Variants in LRP4 observed in about 807,000 individuals in gnomAD.
LRP4 encodes the protein LDL receptor related protein 4.
In LRP4, 95 loss-of-function variants were observed where a neutral mutation model predicts 220.3. The observed-to-expected ratio is 0.43, with a 90% CI of 0.37 to 0.51. The LOEUF (loss-of-function observed/expected upper bound fraction) is 0.51, where lower values mean the gene tolerates loss of function less well. Ranked by LOEUF, LRP4 falls within the 20% of genes least tolerant of loss-of-function variation. The pLI, the probability that LRP4 is intolerant of heterozygous loss-of-function variation, is 0.00. For missense variants in LRP4, 1,925 were observed against 2,567.0 expected (o/e 0.75, Z 5.40); for synonymous variants, 903 against 954.6 (o/e 0.95, Z 1.00).
chr11:46,868,796 A>G, intron 32 of LRP4, 83 bp from the exon 33 acceptor site: 4 of 1,264,570 alleles, frequency 3.2e-6, no homozygotes, highest in South Asian at 1.2e-5. Context: ...GAGGAAATCC[A>G]GGATTACCCT....
chr11:46,887,326 G>C (rs1353019845), intron 16 of LRP4, among the ~76,000 whole-genome samples: 1 of 152,168 alleles, frequency 6.6e-6, no homozygotes, highest in East Asian at 1.9e-4. Flanking sequence ...AATCCTTAAG[G>C]GGAAGCTGTC....
At chr11:46,902,305 G>A (rs1481065410) in intron 2 of LRP4, among the ~76,000 whole-genome samples, 1 of 147,736 alleles carries the variant, frequency 6.8e-6, no homozygotes, top group African/African-American at 2.5e-5. Context: ...GTTGCAGTGA[G>A]CCTAGACTGT....
At chr11:46,891,200 A>G (rs1379401412) in intron 13 of LRP4, among the ~76,000 whole-genome samples, 1 of 151,754 alleles carries the variant, frequency 6.6e-6, no homozygotes, top group East Asian at 1.9e-4. Flanking sequence ...TGCAACCTCC[A>G]CCTCCTGGAC....
Position 46,885,939 on chromosome 11 carries a change from T to G in LRP4, c.2506+152A>C, listed in dbSNP as rs1357177306. On this transcript the variant is annotated intron_variant, in intron 18 of 37. Transcript: ENST00000378623. The stretch of plus-strand genomic sequence containing the variant: ...ACGTGGGAGCTTCTCACTTCGGCTC[T>G]GCAGCAGCCCTCCGGCTTCTGACCT... The G allele has an allele frequency of 2.2e-5, 16 of 735,222 alleles. No individual in the cohort carries two copies. In the Admixed American group the frequency reaches 2.8e-4, roughly 13 times the overall value. 45.5% of individuals were successfully genotyped at this position (735,222 alleles called of 1,614,324 possible). A position where few individuals can be genotyped will look rare whatever the true frequency, so the allele number is the denominator to read the frequency against.
At chr11:46,865,016 G>A in intron 35 of LRP4, 103 bp downstream of exon 35, 1 of 978,544 alleles carries the variant, frequency 1.0e-6, no homozygotes, top group Non-Finnish European at 1.6e-6. Flanking sequence ...TTTAAAAAGA[G>A]TTCATCAACC....
chr11:46,902,714 GCCTTGT>G, intron 2 of LRP4, 63 bp downstream of exon 2: 1 of 1,572,276 alleles, frequency 6.4e-7, no homozygotes, highest in East Asian at 2.2e-5. Flanking sequence ...TACTCCATCA[GCCTTGT>G]CCTTGCCCCC....
At position 46,871,644 on chromosome 11, in the gene LRP4, A is replaced by T. The variant is rs1335206941; in HGVS notation, c.4584-11T>A. Reference sequence around the variant, plus strand: ...TCCACCCAGTAGATCCTGCGAAGAAAATGAAAAGAGTGGCTGCTCCAAACG... The same window carrying T: ...TCCACCCAGTAGATCCTGCGAAGAATATGAAAAGAGTGGCTGCTCCAAACG... On this transcript the variant is annotated splice_polypyrimidine_tract_variant and intron_variant, in intron 30 of 37. Transcript: ENST00000378623. 1.9e-6 allele frequency: 3 copies of T among 1,584,568 alleles called. No homozygotes were observed. The highest frequency in any genetic ancestry group is 2.6e-6 in the Non-Finnish European group (3 of 1,158,058).
intron 1 of LRP4, 57 bp from the exon 2 acceptor site, chr11:46,902,986 T>C (rs1383634884): frequency 6.2e-7 from 1 of 1,609,708 alleles, no homozygotes; most frequent in African/African-American, 1.3e-5. Context: ...CCCAAGCCCA[T>C]TCCGAGGGGA....
rs368971854 is a variant in LRP4 at position 46,899,954 on chromosome 11, G to A, written c.339C>T (p.Asp113=). Residue 113 remains aspartate (D), a synonymous_variant, in exon 4 of 38, where the codon GAC becomes GAT. Transcript: ENST00000378623. This position sits in a 1 kb window ranked among gnomAD's most constrained non-coding sequence, Gnocchi z 5.9. ...AGTAGCCATTCTGGCAGGGAAACTC[G>A]TCCTCCTCACACTCCCGGGGGGCTG... ...QDCPPRECEE[D]EFPCQNGYCI... 3.6e-5 allele frequency: 58 copies of A among 1,613,540 alleles called. No individual in the cohort carries two copies. Among genetic ancestry groups the A allele is most frequent in the East Asian group, 6.7e-5 (3 of 44,894 alleles).
chr11:46,904,075 C>A (rs189269579), intron 1 of LRP4, among the ~76,000 whole-genome samples: 5 of 152,224 alleles, frequency 3.3e-5, no homozygotes, highest in Non-Finnish European at 2.9e-5. Context: ...CACTCTCCCC[C>A]CTCCCAGCAT....
At position 46,857,464 on chromosome 11, in the gene LRP4, C is replaced by T. The variant is rs1055923590; in HGVS notation, c.*1519G>A. 2.0e-5 allele frequency: 3 copies of T among 152,130 alleles called. No homozygotes were observed. Among genetic ancestry groups the T allele is most frequent in the African/African-American group, 7.2e-5 (3 of 41,406 alleles). The allele number at this position is 152,130 out of a possible 1,614,324, so 9.4% of individuals were successfully genotyped here. A position where few individuals can be genotyped will look rare whatever the true frequency, so the allele number is the denominator to read the frequency against. On this transcript the variant is annotated 3_prime_UTR_variant, in exon 38 of 38. Transcript: ENST00000378623. ...TGTTCTCTCCTGCCACTTCTAATTC[C>T]TGGGGGAGAAGAGGTCTGGGTCTGC... is the stretch of plus-strand genomic sequence containing the variant.
chr11:46,895,085 C>T (rs1941497378), intron 11 of LRP4, 81 bp downstream of exon 11: 2 of 1,588,690 alleles, frequency 1.3e-6, no homozygotes, highest in Admixed American at 1.7e-5. Flanking sequence ...TACCTCTCTG[C>T]AAATCCCTGA....
chr11:46,892,107 C>A (rs1787120140), intron 13 of LRP4, among the ~76,000 whole-genome samples: 1 of 151,988 alleles, frequency 6.6e-6, no homozygotes, highest in Admixed American at 6.6e-5. Flanking sequence ...ATTTAGAAAA[C>A]ATTTTTGTAG....
intron 22 of LRP4, among the ~76,000 whole-genome samples, chr11:46,877,731 G>A (rs10742784): frequency 0.64 from 97,519 of 151,930 alleles, 33,061 homozygotes; most frequent in Non-Finnish European, 0.77. Flanking sequence ...GCCTCCTAAA[G>A]TGCTGGGATT....
At chr11:46,861,933 T>C (rs1477729768) in intron 37 of LRP4, among the ~76,000 whole-genome samples, 1 of 151,894 alleles carries the variant, frequency 6.6e-6, no homozygotes, top group African/African-American at 2.4e-5. Context: ...CCGGGCATGG[T>C]GGCGCATGCC....
rs1476835740 is a variant in LRP4 at position 46,895,164 on chromosome 11, A to T, written c.1309+2T>A. Reference sequence around the variant, plus strand: ...ACCCAGCCAAGTGCCAACAGCCCTTACCCAGAGCCTTGCAGCTGCGCCGGT... The same window carrying T: ...ACCCAGCCAAGTGCCAACAGCCCTTTCCCAGAGCCTTGCAGCTGCGCCGGT... On this transcript the variant is annotated splice_donor_variant, in intron 11 of 37. Transcript: ENST00000378623. LOFTEE classifies it high-confidence loss of function. 1 of 1,613,874 alleles carries T rather than the reference A, an allele frequency of 6.2e-7. No homozygotes were observed. The highest frequency in any genetic ancestry group is 8.5e-7 in the Non-Finnish European group (1 of 1,180,038).
intron 12 of LRP4, 44 bp downstream of exon 12, chr11:46,894,545 A>C: frequency 1.4e-6 from 2 of 1,459,614 alleles, no homozygotes; most frequent in Middle Eastern, 1.7e-4. Context: ...GTTGCTGCGC[A>C]TGTGGCATGG....
chr11:46,881,619 A>G, intron 20 of LRP4, 83 bp downstream of exon 20: 1 of 1,381,044 alleles, frequency 7.2e-7, no homozygotes, highest in Non-Finnish European at 1.0e-6. Flanking sequence ...GCTGCCAGCC[A>G]AAAAGTACTG....
At position 46,889,549 on chromosome 11, in the gene LRP4, A is replaced by G. The variant is rs751168409; in HGVS notation, c.2093-16T>C. 31 of 1,612,930 alleles carry G rather than the reference A, an allele frequency of 1.9e-5. No individual in the cohort carries two copies. Among genetic ancestry groups the G allele is most frequent in the Non-Finnish European group, 6.8e-6 (8 of 1,180,024 alleles). ...CGGTTTTTCCCTGCTCAAAGAGCCC[A>G]GGGCAAGAGGATCAGCGAAGGTCTG... is the stretch of plus-strand genomic sequence containing the variant. On this transcript the variant is annotated splice_polypyrimidine_tract_variant and intron_variant, in intron 15 of 37. Transcript: ENST00000378623.
Sources: gnomAD v4.1 joint callset for allele counts (sites outside exome capture counted in the v4.1 genomes callset) on GRCh38, gnomAD v4.1.1 for gene constraint, Gnocchi (gnomAD v3.1) non-coding constraint, MANE v1.5 for transcripts, NCBI Gene and HGNC (gene_info 2026-07-23, HGNC 2026-07-21) for gene names.